DNAH5: variants seen among roughly 807,000 people sequenced by gnomAD.
The protein encoded by DNAH5 is dynein axonemal heavy chain 5, also known as axonemal beta dynein heavy chain 5.
Under a neutral mutation model 518.2 loss-of-function variants are expected in DNAH5, and 372 were observed. That is an observed-to-expected ratio of 0.72 (90% CI 0.66 to 0.78). DNAH5 has a LOEUF of 0.78. DNAH5 is among the 30% of genes least tolerant of loss of function. The pLI, the probability that DNAH5 is intolerant of heterozygous loss-of-function variation, is 0.00. For missense variants in DNAH5, 5,523 were observed against 5,687.0 expected (o/e 0.97, Z 0.93); for synonymous variants, 2,039 against 2,025.9 (o/e 1.01, Z -0.17).
chr5:13,956,768 T>C (rs559525764), intron 1 of DNAH5, among the ~76,000 whole-genome samples: 1 of 152,344 alleles, frequency 6.6e-6, no homozygotes, highest in South Asian at 2.1e-4. Flanking sequence ...TTATTATCAT[T>C]TTATTGAGTG....
chr5:13,714,677 T>C, intron 74 of DNAH5, 57 bp from the exon 75 acceptor site: 1 of 1,558,584 alleles, frequency 6.4e-7, no homozygotes. Flanking sequence ...CCGTCTAAAT[T>C]ACACTATTTT....
intron 16 of DNAH5, among the ~76,000 whole-genome samples, chr5:13,892,611 G>A (rs1008488350): frequency 2.6e-5 from 4 of 152,172 alleles, no homozygotes; most frequent in African/African-American, 9.7e-5. Flanking sequence ...CTAGAAACTA[G>A]TTCCTTGTCT....
In DNAH5 at chr5:13,865,687, G is replaced by A. The variant is rs1208494035; in HGVS notation, c.4336C>T (p.Leu1446Phe). The A allele has an allele frequency of 2.5e-6, 4 of 1,580,302 alleles. No homozygotes were observed. Among genetic ancestry groups the A allele is most frequent in the Non-Finnish European group, 3.5e-6 (4 of 1,149,502 alleles). Residue 1446 changes from leucine (L) to phenylalanine (F), a missense_variant, in exon 27 of 79, where the codon CTC becomes TTC. Physicochemically the swap from Leu to Phe is conservative, Grantham distance 22. Transcript: ENST00000265104. ...EVNIEKINNELLEFQNRCRKL... is the reference protein window; with the variant it reads ...EVNIEKINNEFLEFQNRCRKL... ...TCTTACCTGTTCTGGAATTCTAAGAGTTCATTGTTAATTTTTTCAATATTC... is the reference window on the plus strand; with the variant it reads ...TCTTACCTGTTCTGGAATTCTAAGAATTCATTGTTAATTTTTTCAATATTC...
Position 13,774,941 on chromosome 5 carries a change from T to C in DNAH5, c.9373+1498A>G, listed in dbSNP as rs556504180. Among the ~76,000 whole-genome samples, 17 of 152,336 alleles carry C rather than the reference T, an allele frequency of 1.1e-4. No homozygotes were observed. In the East Asian group the frequency reaches 3.3e-3, roughly 29 times the overall value. Reference sequence around the variant, plus strand: ...ATTGTTAATACCTTACAGAGCATTTTATGAAGTACTTGCATATTGATAACT... The same window carrying C: ...ATTGTTAATACCTTACAGAGCATTTCATGAAGTACTTGCATATTGATAACT... On this transcript the variant is annotated intron_variant, in intron 55 of 78. Coordinates refer to ENST00000265104, the MANE Select transcript of DNAH5 (RefSeq NM_001369.3).
chr5:13,895,814 G>T (rs971694942), intron 15 of DNAH5, among the ~76,000 whole-genome samples: 4 of 152,068 alleles, frequency 2.6e-5, no homozygotes, highest in Non-Finnish European at 4.4e-5. Context: ...GTCCCAAACT[G>T]AAAGTCTGTT....
At chr5:13,814,888 C>T (rs754013871) in intron 42 of DNAH5, 42 bp from the exon 43 acceptor site, 36 of 1,581,748 alleles carry the variant, frequency 2.3e-5, no homozygotes, top group Non-Finnish European at 2.9e-5. Context: ...TACATACACT[C>T]ATGCAGTGCA....
rs935642184 is a variant in DNAH5, at chr5:13,877,813, G to A, written c.3263-996C>T. Among the ~76,000 whole-genome samples, 2 of 152,216 alleles carry A rather than the reference G, an allele frequency of 1.3e-5. 1 individual carries two copies. The highest frequency in any genetic ancestry group is 4.1e-4 in the South Asian group (2 of 4,832). On this transcript the variant is annotated intron_variant, in intron 21 of 78. Transcript: ENST00000265104. ...GGCTCTTAATTCACCAATTCTGAGA[G>A]TGGAGTGGATTAGACACACAAGAGT...
intron 1 of DNAH5, among the ~76,000 whole-genome samples, chr5:13,965,536 C>T (rs1467688009): frequency 1.3e-5 from 2 of 152,150 alleles, no homozygotes; most frequent in Admixed American, 6.5e-5. Flanking sequence ...CCAAAAGACA[C>T]GCTTTGTTTA....
At chr5:13,809,976 A>G in intron 45 of DNAH5, 83 bp downstream of exon 45, 1 of 1,336,096 alleles carries the variant, frequency 7.5e-7, no homozygotes, top group Non-Finnish European at 1.0e-6. Context: ...TCTCATTTAG[A>G]AAAAATATAT....
intron 35 of DNAH5, among the ~76,000 whole-genome samples, chr5:13,832,930 A>G (rs1016077993): frequency 2.0e-5 from 3 of 152,220 alleles, no homozygotes; most frequent in African/African-American, 7.2e-5. Flanking sequence ...TAGCACTGTC[A>G]GTGCATTTTG....
At chr5:13,711,659 A>T (rs1162643507) in intron 75 of DNAH5, among the ~76,000 whole-genome samples, 4 of 152,232 alleles carry the variant, frequency 2.6e-5, no homozygotes, top group Non-Finnish European at 5.9e-5. Context: ...TGATACAAGA[A>T]ATCAGCAAAG....
At chr5:13,800,290 T>C (rs16902769) in intron 47 of DNAH5, among the ~76,000 whole-genome samples, 2,547 of 152,302 alleles carry the variant, frequency 0.017, 77 homozygotes, top group African/African-American at 0.057. Context: ...AGCTATCCAT[T>C]TGGGGCTGTT....
rs778507942 is a variant in DNAH5, at chr5:13,824,234, T to C, written c.6544A>G (p.Met2182Val). The C allele has an allele frequency of 5.0e-6, 8 of 1,614,142 alleles. No individual in the cohort carries two copies. The South Asian group carries it at 5.5e-5, about 11-fold the overall frequency. ...NPMDTESTIV[M>V]RVLRDMNLSK... ...AGATTCATGTCCCGTAGTACACGCA[T>C]GACAATCGTGGACTCCGTATCCATT... Residue 2182 changes from methionine (M) to valine (V), a missense_variant, in exon 39 of 79, where the codon ATG becomes GTG. This residue lies in a region of DNAH5 where 5,121 missense variants were observed against 5,223.3 expected (regional missense o/e 0.98). Coordinates refer to ENST00000265104, the MANE Select transcript of DNAH5 (RefSeq NM_001369.3).
intron 1 of DNAH5, among the ~76,000 whole-genome samples, chr5:13,987,050 T>C (rs1783101970): frequency 6.6e-6 from 1 of 152,138 alleles, no homozygotes. Context: ...TCTCCTTCCT[T>C]TCCCCTCCTC....
intron 21 of DNAH5, among the ~76,000 whole-genome samples, chr5:13,881,499 G>GA (rs981963782): frequency 4.0e-5 from 6 of 151,596 alleles, no homozygotes; most frequent in Admixed American, 6.6e-5. Flanking sequence ...TAGAAATCAG[G>GA]AAAAAAATCA....
chr5:13,916,868 A>C (rs1033857434), intron 8 of DNAH5, among the ~76,000 whole-genome samples: 1 of 152,188 alleles, frequency 6.6e-6, no homozygotes, highest in Non-Finnish European at 1.5e-5. Context: ...GCAATATTTA[A>C]TGGAAAATGT....
chr5:13,706,348 G>A (rs1742786704), intron 76 of DNAH5, among the ~76,000 whole-genome samples: 3 of 152,224 alleles, frequency 2.0e-5, no homozygotes, highest in Admixed American at 2.0e-4. Context: ...CTAGGGAGCA[G>A]GACATTGGGA....
At chr5:13,747,315 T>A (rs1037910764) in intron 65 of DNAH5, among the ~76,000 whole-genome samples, 62 of 152,318 alleles carry the variant, frequency 4.1e-4, no homozygotes, top group African/African-American at 1.4e-3. Context: ...TGGTTCCAAG[T>A]CTTTGCTATT....
chr5:13,843,973 C>T (rs1561411505), intron 32 of DNAH5, among the ~76,000 whole-genome samples: 1 of 152,212 alleles, frequency 6.6e-6, no homozygotes, highest in Non-Finnish European at 1.5e-5. Flanking sequence ...ATGATACACC[C>T]TTCCTGGGAA....
Sources: gnomAD v4.1 joint callset for allele counts (sites outside exome capture counted in the v4.1 genomes callset) on GRCh38, gnomAD v4.1.1 for gene constraint, gnomAD v4.1.1 regional missense constraint, MANE v1.5 for transcripts, NCBI Gene and HGNC (gene_info 2026-07-23, HGNC 2026-07-21) for gene names.